The following MAST4 variants were observed in gnomAD, a reference collection of about 807,000 sequenced individuals.
The protein encoded by MAST4 is microtubule associated serine/threonine kinase family member 4, also known as microtubule-associated serine/threonine-protein kinase 4.
MAST4 carries 89 observed loss-of-function variants against 162.7 expected under a neutral mutation model. The ratio of observed to expected loss-of-function variants is 0.55; its 90% confidence interval spans 0.46 to 0.65. MAST4 has a LOEUF of 0.65. Among genes scored for constraint, MAST4 ranks in the 30% least tolerant of loss-of-function variants. The pLI is 0.00. For missense variants in MAST4, 3,153 were observed against 3,374.0 expected (o/e 0.93, Z 1.62); for synonymous variants, 1,479 against 1,361.1 (o/e 1.09, Z -1.91).
At chr5:67,092,563 C>T (rs1390071802) in intron 6 of MAST4, among the ~76,000 whole-genome samples, 1 of 152,006 alleles carries the variant, frequency 6.6e-6, no homozygotes, top group Non-Finnish European at 1.5e-5. Context: ...CCTTTTTTCC[C>T]TGGCGGTAAA....
intron 1 of MAST4, among the ~76,000 whole-genome samples, chr5:66,651,874 G>T (rs1746243944): frequency 6.6e-6 from 1 of 152,188 alleles, no homozygotes; most frequent in Non-Finnish European, 1.5e-5. Context: ...CTGTTGACCA[G>T]AGAACTCCCT....
Position 67,054,393 on chromosome 5 carries a change from C to G in MAST4, c.675-11C>G. ...TCTTTTTAAACTTTGTTTTTTCTTT[C>G]TTTTTGATAGTTGCCGAACAAGCAA... On this transcript the variant is annotated splice_polypyrimidine_tract_variant and intron_variant, in intron 4 of 28. Transcript: ENST00000403625. 1 of 1,590,096 alleles carries G rather than the reference C, an allele frequency of 6.3e-7. No individual in the cohort carries two copies. Among genetic ancestry groups the G allele is most frequent in the East Asian group, 2.3e-5 (1 of 43,888 alleles).
chr5:66,937,157 C>A (rs1269135967), intron 4 of MAST4, among the ~76,000 whole-genome samples: 1 of 152,036 alleles, frequency 6.6e-6, no homozygotes, highest in Non-Finnish European at 1.5e-5. Context: ...TATTTAAGCC[C>A]CTACTGTATG....
chr5:66,945,165 C>A (rs1408862191), intron 4 of MAST4, among the ~76,000 whole-genome samples: 1 of 152,036 alleles, frequency 6.6e-6, no homozygotes, highest in Non-Finnish European at 1.5e-5. Flanking sequence ...GGTATGACTT[C>A]CATTTTATAA....
intron 13 of MAST4, among the ~76,000 whole-genome samples, chr5:67,118,955 A>G (rs538784010): frequency 2.0e-5 from 3 of 152,332 alleles, no homozygotes; most frequent in Non-Finnish European, 4.4e-5. Context: ...CAGTCCCAGA[A>G]GATTTCCCAA....
chr5:66,906,255 C>T (rs947112940), intron 4 of MAST4, among the ~76,000 whole-genome samples: 1 of 152,162 alleles, frequency 6.6e-6, no homozygotes, highest in Non-Finnish European at 1.5e-5. Context: ...GCATGTCTGA[C>T]CCTCTCTTCT....
At chr5:67,119,801 A>G (rs1424018288) in intron 13 of MAST4, among the ~76,000 whole-genome samples, 1 of 152,136 alleles carries the variant, frequency 6.6e-6, no homozygotes, top group Non-Finnish European at 1.5e-5. Context: ...GAAGTGACTT[A>G]GGAGTCATCC....
Position 67,114,137 on chromosome 5 carries a change from T to G in MAST4, c.1509T>G (p.His503Gln), listed in dbSNP as rs781778380. 6.2e-7 allele frequency: 1 copy of G among 1,613,650 alleles called. No homozygotes were observed. The highest frequency in any genetic ancestry group is 1.1e-5 in the South Asian group (1 of 90,986). ...ACCTATTGGAAGCAGCAGAAGGCCA[T>G]GCCAAAGAAGGACAGGGTATTAAAA... ...FYYLLEAAEGHAKEGQGIKTD... is the reference protein window; with the variant it reads ...FYYLLEAAEGQAKEGQGIKTD... Residue 503 changes from histidine (H) to glutamine (Q), a missense_variant, in exon 12 of 29, where the codon CAT becomes CAG. His to Gln is a conservative substitution (Grantham distance 24). Around this residue, in one of 7 missense-constraint regions of MAST4, gnomAD observed 360 missense variants for 450.0 expected, o/e 0.80. Transcript: ENST00000403625.
chr5:67,162,415 AC>A (rs1474744914), intron 27 of MAST4, among the ~76,000 whole-genome samples, 191 bp from the exon 28 acceptor site: 5 of 152,184 alleles, frequency 3.3e-5, no homozygotes, highest in South Asian at 2.1e-4. Context: ...TCCATTGTCT[AC>A]TATTAAATAC....
intron 3 of MAST4, among the ~76,000 whole-genome samples, chr5:66,819,014 G>A (rs1207820029): frequency 6.6e-6 from 1 of 152,150 alleles, no homozygotes; most frequent in Non-Finnish European, 1.5e-5. Flanking sequence ...GCTAGAAGAC[G>A]GAGTTAATGT....
At chr5:66,954,240 G>A (rs1279413752) in intron 4 of MAST4, among the ~76,000 whole-genome samples, 1 of 152,122 alleles carries the variant, frequency 6.6e-6, no homozygotes, top group Non-Finnish European at 1.5e-5. Flanking sequence ...AGTCCATGAT[G>A]TATGCCTTCC....
rs147486426 is a variant in MAST4 at position 66,650,020 on chromosome 5, C to G, written c.363+53002C>G. Among the ~76,000 whole-genome samples the G allele has an allele frequency of 7.4e-3, 1,125 of 152,168 alleles. 16 individuals are homozygous for G. The highest frequency in any genetic ancestry group is 0.025 in the African/African-American group (1,049 of 41,508). On this transcript the variant is annotated intron_variant, in intron 1 of 28. Transcript: ENST00000403625. ...CAAATGGCAGTCTAACCACTTCTTA[C>G]AGGCTAATTGACCATGCTCCAACTT...
At chr5:67,003,062 G>A (rs1239610796) in intron 4 of MAST4, among the ~76,000 whole-genome samples, 1 of 150,956 alleles carries the variant, frequency 6.6e-6, no homozygotes, top group African/African-American at 2.5e-5. Flanking sequence ...TCTAGAAACT[G>A]CTCCGGAGCA....
chr5:67,029,712 A>T lies in MAST4; in HGVS notation c.675-24692A>T, dbSNP rs141147446. Among the ~76,000 whole-genome samples, 154 of 152,282 alleles carry T rather than the reference A, an allele frequency of 1.0e-3. 1 individual carries two copies. In the East Asian group the frequency reaches 0.024, roughly 24 times the overall value. ...TTAGAAAACCTTTATTGGCAGCATG[A>T]TTTCTGTGTCCATGAAGAATGAAAG... is the stretch of plus-strand genomic sequence containing the variant. On this transcript the variant is annotated intron_variant, in intron 4 of 28. Transcript: ENST00000403625.
At position 67,013,272 on chromosome 5, in the gene MAST4, G is replaced by T. The variant is rs538870386; in HGVS notation, c.675-41132G>T. Among the ~76,000 whole-genome samples the T allele has an allele frequency of 2.0e-5, 3 of 152,324 alleles. No homozygotes were observed. In the East Asian group the frequency reaches 5.8e-4, roughly 29 times the overall value. On this transcript the variant is annotated intron_variant, in intron 4 of 28. Coordinates refer to ENST00000403625, the MANE Select transcript of MAST4 (RefSeq NM_001164664.2). ...TACCAGCACCTTGTGCCCCTGGAAA[G>T]TTTCTAACCTGACATGGAAGTTCAA...
At chr5:66,696,047 T>C (rs548147467) in intron 1 of MAST4, among the ~76,000 whole-genome samples, 2 of 152,308 alleles carry the variant, frequency 1.3e-5, no homozygotes, top group Admixed American at 1.3e-4. Context: ...ATCATGTTCT[T>C]TGCAGGGACA....
At chr5:66,989,940 T>C (rs989325967) in intron 4 of MAST4, among the ~76,000 whole-genome samples, 5 of 152,298 alleles carry the variant, frequency 3.3e-5, no homozygotes, top group African/African-American at 9.6e-5. Flanking sequence ...GCTTTATTCT[T>C]GATCTCCACC....
chr5:66,612,626 C>T (rs1251802941), intron 1 of MAST4, among the ~76,000 whole-genome samples: 1 of 152,162 alleles, frequency 6.6e-6, no homozygotes, highest in Admixed American at 6.5e-5. Context: ...AGTGACTCGA[C>T]CTGAATGTGC....
At chr5:66,925,293 G>T (rs1764817520) in intron 4 of MAST4, among the ~76,000 whole-genome samples, 1 of 152,094 alleles carries the variant, frequency 6.6e-6, no homozygotes, top group Admixed American at 6.5e-5. Context: ...AGTTGTTTAA[G>T]GTACTGAGGC....
Sources: gnomAD v4.1 joint callset for allele counts (sites outside exome capture counted in the v4.1 genomes callset) on GRCh38, gnomAD v4.1.1 for gene constraint, gnomAD v4.1.1 regional missense constraint, MANE v1.5 for transcripts, NCBI Gene and HGNC (gene_info 2026-07-23, HGNC 2026-07-21) for gene names.